TTBK2: variants seen among roughly 807,000 people sequenced by gnomAD.
TTBK2 encodes tau-tubulin kinase 2.
A neutral mutation model predicts 110.8 loss-of-function variants in TTBK2; 28 were observed. The observed-to-expected ratio is 0.25, with a 90% CI of 0.19 to 0.35. The LOEUF is 0.35. Among genes scored for constraint, TTBK2 ranks in the 10% least tolerant of loss-of-function variants. The probability of loss-of-function intolerance (pLI) is 1.00; values close to 1 mark genes in which losing one functional copy is unlikely to be tolerated. For synonymous variants in TTBK2, 532 were observed against 527.3 expected (o/e 1.01, Z -0.12); for missense variants, 1,369 against 1,500.3 (o/e 0.91, Z 1.45).
At chr15:42,835,970 G>A (rs551862091) in intron 4 of TTBK2, among the ~76,000 whole-genome samples, 32 of 152,156 alleles carry the variant, frequency 2.1e-4, no homozygotes, top group Middle Eastern at 3.4e-3. Context: ...AAGGTAGTAG[G>A]TGTTAGGCAA....
chr15:42,767,858 C>A (rs1889461038), intron 13 of TTBK2, among the ~76,000 whole-genome samples: 1 of 152,162 alleles, frequency 6.6e-6, no homozygotes, highest in East Asian at 1.9e-4. Context: ...ATGCACAAAT[C>A]CTCAATAAAA....
intron 3 of TTBK2, chr15:42,871,632 A>G: frequency 1.0e-6 from 1 of 972,778 alleles, no homozygotes; most frequent in Non-Finnish European, 1.2e-6. Context: ...GTTGAGAACA[A>G]CAACTCAAGA....
chr15:42,830,153 C>T lies in TTBK2; in HGVS notation c.292-75G>A, dbSNP rs575604932. The T allele has an allele frequency of 2.2e-5, 35 of 1,560,830 alleles. 1 individual carries two copies. Among genetic ancestry groups the T allele is most frequent in the African/African-American group, 6.8e-5 (5 of 73,372 alleles). ...TAAGAGAAGACTGGGAAACTACTCA[C>T]TTACCATTAAAAGATGTTTTCAGCA... On this transcript the variant is annotated intron_variant, in intron 4 of 14. Coordinates refer to ENST00000267890, the MANE Select transcript of TTBK2 (RefSeq NM_173500.4).
chr15:42,912,255 T>A (rs890224225), intron 1 of TTBK2, among the ~76,000 whole-genome samples: 3 of 152,118 alleles, frequency 2.0e-5, no homozygotes, highest in African/African-American at 7.2e-5. Context: ...CTTCAGGAGC[T>A]GGAGGATGAT....
At chr15:42,784,245 AT>A (rs1194319987) in intron 10 of TTBK2, among the ~76,000 whole-genome samples, 1 of 152,108 alleles carries the variant, frequency 6.6e-6, no homozygotes, top group Non-Finnish European at 1.5e-5. Flanking sequence ...CATTTCATCT[AT>A]TTTCATAGAA....
At chr15:42,823,904 G>C (rs76330120) in intron 6 of TTBK2, among the ~76,000 whole-genome samples, 1 of 151,964 alleles carries the variant, frequency 6.6e-6, no homozygotes, top group African/African-American at 2.4e-5. Context: ...TGTTTGGTTC[G>C]CAGTTCTGCA....
chr15:42,791,262 C>T (rs1567025500), intron 10 of TTBK2, among the ~76,000 whole-genome samples: 1 of 152,196 alleles, frequency 6.6e-6, no homozygotes, highest in Non-Finnish European at 1.5e-5. Flanking sequence ...TTGTGACTCG[C>T]CTGCCTCAGC....
chr15:42,771,838 TCTC>T (rs1259337103), intron 13 of TTBK2, among the ~76,000 whole-genome samples: 2 of 152,118 alleles, frequency 1.3e-5, no homozygotes, highest in Non-Finnish European at 2.9e-5. Flanking sequence ...TAAGGTGTAA[TCTC>T]CTGGCACGAG....
chr15:42,781,484 A>G (rs1280613436), intron 11 of TTBK2, among the ~76,000 whole-genome samples: 1 of 151,930 alleles, frequency 6.6e-6, no homozygotes, highest in African/African-American at 2.4e-5. Flanking sequence ...TTGATGTAAA[A>G]CCTTATCTTT....
At chr15:42,884,929 A>G (rs1895185165) in intron 1 of TTBK2, among the ~76,000 whole-genome samples, 1 of 151,732 alleles carries the variant, frequency 6.6e-6, no homozygotes, top group Non-Finnish European at 1.5e-5. Flanking sequence ...GTTCTTTGTA[A>G]TCTCCCCCAC....
intron 4 of TTBK2, among the ~76,000 whole-genome samples, chr15:42,830,997 T>C (rs1892734908): frequency 7.0e-6 from 1 of 141,902 alleles, no homozygotes; most frequent in Non-Finnish European, 1.5e-5. Flanking sequence ...AGAGCGAGAC[T>C]CCATCTCAAA....
At chr15:42,771,265 G>A (rs1283658165) in intron 13 of TTBK2, among the ~76,000 whole-genome samples, 1 of 152,012 alleles carries the variant, frequency 6.6e-6, no homozygotes, top group South Asian at 2.1e-4. Context: ...GAGCCACCAC[G>A]CCCGGCCTGA....
At chr15:42,801,288 T>C in intron 9 of TTBK2, 2 of 1,538,334 alleles carry the variant, frequency 1.3e-6, no homozygotes, top group Non-Finnish European at 1.8e-6. Flanking sequence ...GTTCATCAGC[T>C]CCTGGTACTC....
chr15:42,828,594 G>A (rs1188968023), intron 5 of TTBK2, among the ~76,000 whole-genome samples: 18 of 151,282 alleles, frequency 1.2e-4, no homozygotes, highest in South Asian at 4.2e-4. Context: ...GCGGTGGCGC[G>A]CGCCTGTTAT....
At chr15:42,919,840 T>C (rs932229348) in intron 1 of TTBK2, 7 of 985,190 alleles carry the variant, frequency 7.1e-6, no homozygotes, top group Non-Finnish European at 6.0e-6. Flanking sequence ...TATTTACTTC[T>C]CCGATTTGAC....
intron 3 of TTBK2, among the ~76,000 whole-genome samples, chr15:42,844,819 T>A (rs1356657395): frequency 6.6e-6 from 1 of 152,172 alleles, no homozygotes; most frequent in African/African-American, 2.4e-5. Context: ...TTTAAAATCA[T>A]GTAACACCTT....
intron 4 of TTBK2, among the ~76,000 whole-genome samples, chr15:42,830,390 G>A (rs1484536992): frequency 6.6e-6 from 1 of 151,966 alleles, no homozygotes; most frequent in Non-Finnish European, 1.5e-5. Context: ...GTTTCACCAT[G>A]TTGGTCAGGC....
chr15:42,837,657 C>CA (rs35898464), intron 4 of TTBK2, among the ~76,000 whole-genome samples: 9,219 of 37,310 alleles, frequency 0.25, 1,089 homozygotes, highest in Non-Finnish European at 0.31. Context: ...GACTCTGTCT[C>CA]AAAAAAAAAA....
chr15:42,877,639 G>A (rs1015331060), intron 2 of TTBK2, among the ~76,000 whole-genome samples: 8 of 152,090 alleles, frequency 5.3e-5, no homozygotes, highest in Non-Finnish European at 8.8e-5. Context: ...ACTGTATTTG[G>A]TAATATTAAG....
Sources: gnomAD v4.1 joint callset for allele counts (sites outside exome capture counted in the v4.1 genomes callset) on GRCh38, gnomAD v4.1.1 for gene constraint, MANE v1.5 for transcripts, NCBI Gene and HGNC (gene_info 2026-07-23, HGNC 2026-07-21) for gene names.